VPS4B: variants seen among roughly 807,000 people sequenced by gnomAD.
VPS4B encodes the protein vacuolar protein sorting-associated protein 4B.
VPS4B carries 23 observed loss-of-function variants against 56.1 expected under a neutral mutation model. The observed-to-expected ratio is 0.41, with a 90% CI of 0.30 to 0.58. VPS4B has a LOEUF of 0.58. Ranked by LOEUF, VPS4B falls within the 20% of genes least tolerant of loss-of-function variation. The probability of loss-of-function intolerance (pLI) is 0.29; values close to 1 mark genes in which losing one functional copy is unlikely to be tolerated. For synonymous variants in VPS4B, 177 were observed against 186.0 expected, an observed-to-expected ratio of 0.95 and a Z score of 0.39; for missense variants, 372 against 531.9, an observed-to-expected ratio of 0.70 and a Z score of 2.96.
At chr18:63,412,262 T>A (rs138066079) in intron 1 of VPS4B, among the ~76,000 whole-genome samples, 1 of 152,330 alleles carries the variant, frequency 6.6e-6, no homozygotes, top group East Asian at 1.9e-4. Context: ...TGGGCATTTT[T>A]AAAAAGCAGG....
chr18:63,395,603 A>T (rs1915651970), intron 9 of VPS4B, among the ~76,000 whole-genome samples: 1 of 152,222 alleles, frequency 6.6e-6, no homozygotes, highest in Non-Finnish European at 1.5e-5. Context: ...AAATATACGT[A>T]TGTGACTTAG....
Position 63,400,082 on chromosome 18 carries a change from A to G in VPS4B, c.756T>C (p.Arg252=), listed in dbSNP as rs1915777081. ...SRSENESEAA[R]RIKTEFLVQM... ...GCACTAGGAACTCCGTCTTAATTCT[A>G]CGTGCGGCTTCACTTTCATTTTCAC... Residue 252 remains arginine (R), a synonymous_variant, in exon 7 of 11, where the codon CGT becomes CGC. Transcript: ENST00000238497. 2 of 1,612,106 alleles carry G rather than the reference A, an allele frequency of 1.2e-6. No homozygotes were observed. The highest frequency in any genetic ancestry group is 1.7e-6 in the Non-Finnish European group (2 of 1,179,410).
At chr18:63,407,088 A>C (rs1013558972) in intron 4 of VPS4B, among the ~76,000 whole-genome samples, 1 of 152,276 alleles carries the variant, frequency 6.6e-6, no homozygotes, top group Non-Finnish European at 1.5e-5. Flanking sequence ...CTCCCACAGT[A>C]GTAAATTTTA....
At chr18:63,411,255 T>C (rs2048411006) in intron 2 of VPS4B, among the ~76,000 whole-genome samples, 1 of 152,226 alleles carries the variant, frequency 6.6e-6, no homozygotes, top group Admixed American at 6.5e-5. Flanking sequence ...TTTTAAGATG[T>C]TTACATATAC....
rs765760188 is a variant in VPS4B at position 63,422,227 on chromosome 18, T to C, written c.27+6A>G. On this transcript the variant is annotated splice_donor_region_variant and intron_variant, in intron 1 of 10. Coordinates refer to ENST00000238497, the MANE Select transcript of VPS4B (RefSeq NM_004869.4). ...CCCTAGGGGGACGGGAGATGAGCAA[T>C]GATACCTGGAGGTTGGGCGAAGTGG... 1 of 1,511,468 alleles carries C rather than the reference T, an allele frequency of 6.6e-7. No homozygotes were observed. The highest frequency in any genetic ancestry group is 2.2e-5 in the Admixed American group (1 of 44,576). 93.6% of individuals were successfully genotyped at this position (1,511,468 alleles called of 1,614,324 possible).
At chr18:63,408,344 G>A (rs1915962312) in intron 3 of VPS4B, among the ~76,000 whole-genome samples, 1 of 152,114 alleles carries the variant, frequency 6.6e-6, no homozygotes, top group Non-Finnish European at 1.5e-5. Context: ...AATTGCCTTG[G>A]TTATCATAGG....
At chr18:63,406,161 T>C (rs1915912583) in intron 4 of VPS4B, among the ~76,000 whole-genome samples, 1 of 152,222 alleles carries the variant, frequency 6.6e-6, no homozygotes, top group African/African-American at 2.4e-5. Context: ...CCCACTGGGT[T>C]ACCCAATAAA....
rs573237829 is a variant in VPS4B at position 63,410,098 on chromosome 18, G to A, written c.296+192C>T. Among the ~76,000 whole-genome samples, 16 of 152,258 alleles carry A rather than the reference G, an allele frequency of 1.1e-4. No individual in the cohort carries two copies. The South Asian group carries it at 3.1e-3, about 30-fold the overall frequency. On this transcript the variant is annotated intron_variant, in intron 3 of 10. Transcript: ENST00000238497. ...CCACACAACTTTGTTGTTACGGCAC[G>A]AAAGCAGCCCTAGACAACAATATGT...
At chr18:63,408,765 T>C (rs957723215) in intron 3 of VPS4B, among the ~76,000 whole-genome samples, 10 of 152,204 alleles carry the variant, frequency 6.6e-5, no homozygotes, top group Admixed American at 2.0e-4. Context: ...AATATATCCC[T>C]TTTTGCTTAA....
intron 4 of VPS4B, among the ~76,000 whole-genome samples, chr18:63,404,287 T>C (rs1915870292): frequency 6.7e-6 from 1 of 150,038 alleles, no homozygotes; most frequent in South Asian, 2.1e-4. Context: ...CCTCAACCAC[T>C]GAAAAAAAAA....
At chr18:63,392,358 A>C (rs1915568341) in intron 10 of VPS4B, among the ~76,000 whole-genome samples, 1 of 152,280 alleles carries the variant, frequency 6.6e-6, no homozygotes, top group Non-Finnish European at 1.5e-5. Context: ...ATAGAACTAC[A>C]ATATTTAAAC....
Position 63,410,445 on chromosome 18 carries a change from A to G in VPS4B, c.141T>C (p.Tyr47=). 1 of 1,612,090 alleles carries G rather than the reference A, an allele frequency of 6.2e-7. No individual in the cohort carries two copies. Residue 47 remains tyrosine (Y), a splice_region_variant and synonymous_variant, in exon 3 of 11, where the codon TAT becomes TAC. Coordinates refer to ENST00000238497, the MANE Select transcript of VPS4B (RefSeq NM_004869.4). ...GCTTGGCTTTATCACCCTGTGCTTC[A>G]TCTATTAAAGGGAAATGAGAGAGAT... ...AVQYFLHVVK[Y]EAQGDKAKQS... is the part of the protein sequence containing the mutation.
intron 1 of VPS4B, among the ~76,000 whole-genome samples, chr18:63,420,777 C>A (rs535888361): frequency 6.6e-6 from 1 of 152,052 alleles, no homozygotes; most frequent in Non-Finnish European, 1.5e-5. Flanking sequence ...CGGTGACTCA[C>A]GCCTGTAATC....
At chr18:63,408,673 G>A (rs564749988) in intron 3 of VPS4B, among the ~76,000 whole-genome samples, 1 of 152,312 alleles carries the variant, frequency 6.6e-6, no homozygotes, top group South Asian at 2.1e-4. Context: ...GCAACAGTGG[G>A]ATCCCTACTT....
chr18:63,401,045 T>C (rs1462625620), intron 5 of VPS4B, among the ~76,000 whole-genome samples: 2 of 152,212 alleles, frequency 1.3e-5, no homozygotes, highest in African/African-American at 4.8e-5. Context: ...AAAAGGTACT[T>C]TCTGATCATC....
chr18:63,389,723 G>A lies in VPS4B; in HGVS notation c.*1252C>T, dbSNP rs1443036931. On this transcript the variant is annotated 3_prime_UTR_variant, in exon 11 of 11. Transcript: ENST00000238497. Reference sequence around the variant, plus strand: ...ACAAACTGTTCCCTGAACTTAAAAGGTGAAGGACAAGACCCCATATTATTA... The same window carrying A: ...ACAAACTGTTCCCTGAACTTAAAAGATGAAGGACAAGACCCCATATTATTA... 1 of 152,596 alleles carries A rather than the reference G, an allele frequency of 6.6e-6. No homozygotes were observed. The highest frequency in any genetic ancestry group is 2.4e-5 in the African/African-American group (1 of 41,428). The allele number at this position is 152,596 out of a possible 1,614,324, so 9.5% of individuals were successfully genotyped here.
Position 63,422,246 on chromosome 18 carries a change from G to A in VPS4B, c.14C>T (p.Ser5Leu), listed in dbSNP as rs769719797. Residue 5 changes from serine (S) to leucine (L), a missense_variant, in exon 1 of 11, where the codon TCG becomes TTG. Physicochemically the swap from Ser to Leu is moderately radical, Grantham distance 145. This residue lies in a region of VPS4B where 153 missense variants were observed against 190.3 expected (regional missense o/e 0.80). Transcript: ENST00000238497. MSST[S>L]PNLQKAIDLA... ...GAGCAATGATACCTGGAGGTTGGGCGAAGTGGATGACATGGCGGAGTTCCC... is the reference window on the plus strand; with the variant it reads ...GAGCAATGATACCTGGAGGTTGGGCAAAGTGGATGACATGGCGGAGTTCCC... 1.3e-6 allele frequency: 2 copies of A among 1,513,522 alleles called. No homozygotes were observed. Among genetic ancestry groups the A allele is most frequent in the Admixed American group, 2.2e-5 (1 of 44,674 alleles). The allele number at this position is 1,513,522 out of a possible 1,614,324, so 93.8% of individuals were successfully genotyped here. A position where few individuals can be genotyped will look rare whatever the true frequency, so the allele number is the denominator to read the frequency against.
chr18:63,416,162 C>T lies in VPS4B; in HGVS notation c.28-4584G>A, dbSNP rs55831526. 1,021 of 170,380 alleles carry T rather than the reference C, an allele frequency of 6.0e-3. 15 individuals carry two copies. The highest frequency in any genetic ancestry group is 0.023 in the African/African-American group (961 of 42,508). 10.6% of individuals were successfully genotyped at this position (170,380 alleles called of 1,614,324 possible). ...ATTGGGTCTCATGTCATTGATGTTG[C>T]TGTTTCTGTCCACATCTAAGACAAA... On this transcript the variant is annotated intron_variant, in intron 1 of 10. Transcript: ENST00000238497.
chr18:63,421,021 G>A lies in VPS4B; in HGVS notation c.27+1212C>T, dbSNP rs116419165. On this transcript the variant is annotated intron_variant, in intron 1 of 10. Coordinates refer to ENST00000238497, the MANE Select transcript of VPS4B (RefSeq NM_004869.4). ...CCACTGCACTCAAGCCTGGGCGACCGTGCAAGACTCCGTCTCAAAAAAAAA... is the reference window on the plus strand; with the variant it reads ...CCACTGCACTCAAGCCTGGGCGACCATGCAAGACTCCGTCTCAAAAAAAAA... Among the ~76,000 whole-genome samples the A allele has an allele frequency of 2.6e-3, 373 of 144,676 alleles. 4 individuals are homozygous for A. The highest frequency in any genetic ancestry group is 9.2e-3 in the African/African-American group (357 of 38,686). The allele number at this position is 144,676 out of a possible 152,430, so 94.9% of individuals were successfully genotyped here. A position where few individuals can be genotyped will look rare whatever the true frequency, so the allele number is the denominator to read the frequency against.
Sources: allele counts gnomAD v4.1 joint callset (sites outside exome capture counted in the v4.1 genomes callset), GRCh38; gene constraint gnomAD v4.1.1; regional missense constraint gnomAD v4.1.1; transcripts MANE v1.5; gene names NCBI Gene and HGNC (gene_info 2026-07-23, HGNC 2026-07-21).